Variants in CDKAL1 observed in about 807,000 individuals in gnomAD.
The protein encoded by CDKAL1 is CDKAL1 threonylcarbamoyladenosine tRNA methylthiotransferase.
Under a neutral mutation model 68.2 loss-of-function variants are expected in CDKAL1, and 32 were observed. The observed-to-expected ratio is 0.47, with a 90% confidence interval of 0.35 to 0.63. The LOEUF is 0.63. Among genes scored for constraint, CDKAL1 ranks in the 30% least tolerant of loss-of-function variants. CDKAL1 has a pLI of 0.00. For synonymous variants in CDKAL1, 234 were observed against 244.3 expected (o/e 0.96, Z 0.39); for missense variants, 606 against 696.7 (o/e 0.87, Z 1.47).
At chr6:20,588,027 G>A (rs1457992694) in intron 4 of CDKAL1, among the ~76,000 whole-genome samples, 1 of 150,838 alleles carries the variant, frequency 6.6e-6, no homozygotes, top group East Asian at 2.0e-4. Context: ...AGCCTGGGAG[G>A]TGGAAGTTGC....
intron 9 of CDKAL1, among the ~76,000 whole-genome samples, chr6:20,905,783 TAAAAGAA>T (rs1421159920): frequency 6.6e-6 from 1 of 151,570 alleles, no homozygotes; most frequent in Admixed American, 6.6e-5. Context: ...TGGGCCAACA[TAAAAGAA>T]AAAAGAAAAA....
At chr6:20,607,068 G>A (rs1208619727) in intron 4 of CDKAL1, among the ~76,000 whole-genome samples, 2 of 152,214 alleles carry the variant, frequency 1.3e-5, no homozygotes, top group African/African-American at 2.4e-5. Flanking sequence ...TGACTGCTAG[G>A]CAAGTATTAA....
At chr6:20,724,503 G>C (rs1322816181) in intron 5 of CDKAL1, among the ~76,000 whole-genome samples, 1 of 152,020 alleles carries the variant, frequency 6.6e-6, no homozygotes, top group East Asian at 1.9e-4. Context: ...GATGGCTTGA[G>C]TTTAGGAGAT....
At chr6:20,991,620 T>C (rs889634685) in intron 10 of CDKAL1, among the ~76,000 whole-genome samples, 2 of 149,380 alleles carry the variant, frequency 1.3e-5, no homozygotes, top group African/African-American at 2.5e-5. Context: ...GGCAGGAGAA[T>C]TGCTTGAACC....
At chr6:21,156,424 CAAAAAAAA>C (rs372631710) in intron 13 of CDKAL1, among the ~76,000 whole-genome samples, 1 of 85,162 alleles carries the variant, frequency 1.2e-5, no homozygotes, top group Non-Finnish European at 2.3e-5. Flanking sequence ...ACCCTGTCTC[CAAAAAAAA>C]AAAAAAAAAA....
intron 10 of CDKAL1, among the ~76,000 whole-genome samples, chr6:20,985,678 G>C (rs1766413711): frequency 6.6e-6 from 1 of 152,096 alleles, no homozygotes; most frequent in Non-Finnish European, 1.5e-5. Context: ...CCAGCATTTT[G>C]AGAGGCTGAA....
chr6:21,216,798 G>A (rs1343169534), intron 15 of CDKAL1, among the ~76,000 whole-genome samples: 1 of 152,104 alleles, frequency 6.6e-6, no homozygotes, highest in Non-Finnish European at 1.5e-5. Context: ...CCCAAATCTT[G>A]CTAGAGCTTC....
intron 4 of CDKAL1, among the ~76,000 whole-genome samples, chr6:20,597,366 G>A (rs1201394663): frequency 3.3e-5 from 5 of 151,942 alleles, no homozygotes; most frequent in African/African-American, 4.8e-5. Context: ...CTGATCTCAC[G>A]ATCCGCCCAC....
intron 15 of CDKAL1, among the ~76,000 whole-genome samples, chr6:21,219,475 A>G (rs1326084866): frequency 1.3e-5 from 2 of 152,206 alleles, no homozygotes; most frequent in Non-Finnish European, 2.9e-5. Flanking sequence ...ACAAATATGG[A>G]GGACCAATTG....
At chr6:20,796,900 T>TA (rs1776131786) in intron 8 of CDKAL1, among the ~76,000 whole-genome samples, 1 of 151,954 alleles carries the variant, frequency 6.6e-6, no homozygotes, top group Admixed American at 6.6e-5. Flanking sequence ...TTCATGAAAA[T>TA]AAAAAATAAG....
At chr6:21,117,933 T>C (rs935122281) in intron 13 of CDKAL1, among the ~76,000 whole-genome samples, 1 of 152,220 alleles carries the variant, frequency 6.6e-6, no homozygotes, top group African/African-American at 2.4e-5. Context: ...TTTCAAACTT[T>C]TATTCGTTCA....
At chr6:20,944,385 G>A (rs1295260716) in intron 9 of CDKAL1, among the ~76,000 whole-genome samples, 4 of 152,138 alleles carry the variant, frequency 2.6e-5, no homozygotes, top group Non-Finnish European at 5.9e-5. Context: ...GTCTCACTCT[G>A]TCGCCCAGCT....
At chr6:21,003,633 C>G (rs931308032) in intron 11 of CDKAL1, among the ~76,000 whole-genome samples, 8 of 151,780 alleles carry the variant, frequency 5.3e-5, no homozygotes, top group African/African-American at 1.9e-4. Context: ...TTTGACCTAC[C>G]TTCCGCTATA....
chr6:20,558,512 G>A (rs1309716954), intron 4 of CDKAL1: 1 of 456,586 alleles, frequency 2.2e-6, no homozygotes, highest in African/African-American at 2.0e-5. Flanking sequence ...GAACTAGACA[G>A]ACTCTTTTTG....
intron 15 of CDKAL1, among the ~76,000 whole-genome samples, chr6:21,223,824 T>TTC (rs1779624273): frequency 6.6e-6 from 1 of 151,974 alleles, no homozygotes; most frequent in African/African-American, 2.4e-5. Context: ...TTCCTCCCCA[T>TTC]TTTCTTAGGA....
intron 9 of CDKAL1, among the ~76,000 whole-genome samples, chr6:20,927,147 G>GT (rs1354645633): frequency 5.3e-5 from 8 of 152,002 alleles, no homozygotes; most frequent in African/African-American, 1.7e-4. Flanking sequence ...CTTTAATTTC[G>GT]TAAGCTATTC....
chr6:21,035,429 T>C (rs531772493), intron 11 of CDKAL1, among the ~76,000 whole-genome samples: 1 of 152,118 alleles, frequency 6.6e-6, no homozygotes, highest in African/African-American at 2.4e-5. Context: ...TTGTTTCAAG[T>C]GTAGCTCACT....
intron 13 of CDKAL1, among the ~76,000 whole-genome samples, chr6:21,164,147 A>G (rs1201149791): frequency 6.6e-6 from 1 of 151,996 alleles, no homozygotes; most frequent in Non-Finnish European, 1.5e-5. Context: ...CAAAGACAGT[A>G]CAACTTACAG....
At chr6:20,598,225 C>A (rs1765925290) in intron 4 of CDKAL1, among the ~76,000 whole-genome samples, 1 of 152,150 alleles carries the variant, frequency 6.6e-6, no homozygotes, top group African/African-American at 2.4e-5. Flanking sequence ...AGTTGCATTT[C>A]CTTACATTCT....
Sources: allele counts gnomAD v4.1 joint callset (sites outside exome capture counted in the v4.1 genomes callset), GRCh38; gene constraint gnomAD v4.1.1; transcripts MANE v1.5; gene names NCBI Gene and HGNC (gene_info 2026-07-23, HGNC 2026-07-21).